JAKMIP2: variants seen among roughly 807,000 people sequenced by gnomAD.
JAKMIP2 encodes the protein janus kinase and microtubule interacting protein 2.
In JAKMIP2, 25 loss-of-function variants were observed where a neutral mutation model predicts 115.0. The observed-to-expected ratio is 0.22, with a 90% CI of 0.16 to 0.30. JAKMIP2 has a LOEUF of 0.30. JAKMIP2 is among the 10% of genes least tolerant of loss of function. The pLI is 1.00. For missense variants in JAKMIP2, 642 were observed against 957.6 expected (o/e 0.67, Z 4.35); for synonymous variants, 334 against 343.6 (o/e 0.97, Z 0.31).
intron 1 of JAKMIP2, among the ~76,000 whole-genome samples, chr5:147,717,506 T>A (rs1395756867): frequency 7.7e-5 from 10 of 129,518 alleles, no homozygotes; most frequent in African/African-American, 2.9e-4. Flanking sequence ...TTTGTTTGTA[T>A]CCTCTTTTAT....
chr5:147,597,296 TA>T (rs2126567121), intron 21 of JAKMIP2, among the ~76,000 whole-genome samples: 1 of 152,340 alleles, frequency 6.6e-6, no homozygotes, highest in Non-Finnish European at 1.5e-5. Flanking sequence ...ATACAGTACT[TA>T]ATTTTTCTTA....
At chr5:147,771,624 T>A (rs1392099209) in intron 1 of JAKMIP2, among the ~76,000 whole-genome samples, 1 of 152,052 alleles carries the variant, frequency 6.6e-6, no homozygotes, top group Non-Finnish European at 1.5e-5. Context: ...AGCATTCTCA[T>A]CACCGTATGC....
At chr5:147,734,666 G>A (rs1280203833) in intron 1 of JAKMIP2, among the ~76,000 whole-genome samples, 1 of 151,028 alleles carries the variant, frequency 6.6e-6, no homozygotes, top group East Asian at 1.9e-4. Context: ...AAAAAAAAAG[G>A]AACGCCTTTT....
chr5:147,711,933 A>C (rs1019837336), intron 1 of JAKMIP2, among the ~76,000 whole-genome samples: 44 of 152,218 alleles, frequency 2.9e-4, no homozygotes, highest in Admixed American at 5.2e-4. Context: ...CACCGCGCCC[A>C]GCCCATAGTA....
chr5:147,621,314 C>T (rs1335673745), intron 17 of JAKMIP2, among the ~76,000 whole-genome samples: 1 of 152,174 alleles, frequency 6.6e-6, no homozygotes, highest in African/African-American at 2.4e-5. Context: ...TTTCTGTGTG[C>T]TTCTCATATT....
chr5:147,716,123 C>T (rs1484412202), intron 1 of JAKMIP2, among the ~76,000 whole-genome samples: 1 of 147,160 alleles, frequency 6.8e-6, no homozygotes, highest in East Asian at 2.0e-4. Context: ...TGATAGTTTA[C>T]TGAGAATGAT....
chr5:147,622,728 T>A (rs1756911244), intron 17 of JAKMIP2, among the ~76,000 whole-genome samples: 1 of 152,224 alleles, frequency 6.6e-6, no homozygotes, highest in Non-Finnish European at 1.5e-5. Flanking sequence ...TGTATAAATA[T>A]CTCTTCCAGA....
chr5:147,722,336 T>C (rs1753345415), intron 1 of JAKMIP2, among the ~76,000 whole-genome samples: 1 of 152,198 alleles, frequency 6.6e-6, no homozygotes, highest in Admixed American at 6.5e-5. Context: ...TTTTAGTTAT[T>C]CCTCTCCCCG....
At chr5:147,638,541 C>T (rs142055833) in intron 10 of JAKMIP2, among the ~76,000 whole-genome samples, 2,610 of 152,224 alleles carry the variant, frequency 0.017, 82 homozygotes, top group African/African-American at 0.059. Flanking sequence ...TAAAAACCTG[C>T]TTATTTACTT....
Position 147,648,394 on chromosome 5 carries a change from T to G in JAKMIP2, c.918A>C (p.Gly306=), listed in dbSNP as rs1486641871. ...RKLEDRNTLL[G]DERNELLKRV... ...ATCTCACCAGTTCATTTCGTTCATCTCCAAGCAAGGTATTCCTGTCTTCTA... is the reference window on the plus strand; with the variant it reads ...ATCTCACCAGTTCATTTCGTTCATCGCCAAGCAAGGTATTCCTGTCTTCTA... The change falls in exon 5 of 22, where the codon GGA becomes GGC. Residue 306 remains glycine, a synonymous_variant. Coordinates refer to ENST00000616793, the MANE Select transcript of JAKMIP2 (RefSeq NM_001270941.2). 1.9e-6 allele frequency: 3 copies of G among 1,604,620 alleles called. No individual in the cohort carries two copies. Among genetic ancestry groups the G allele is most frequent in the Non-Finnish European group, 8.5e-7 (1 of 1,171,934 alleles).
chr5:147,736,753 A>C (rs1008723431), intron 1 of JAKMIP2, among the ~76,000 whole-genome samples: 1 of 152,128 alleles, frequency 6.6e-6, no homozygotes, highest in African/African-American at 2.4e-5. Context: ...AATACTGAAG[A>C]TATTCAGGTA....
At chr5:147,703,606 T>TC (rs1752458250) in intron 1 of JAKMIP2, among the ~76,000 whole-genome samples, 1 of 151,784 alleles carries the variant, frequency 6.6e-6, no homozygotes, top group Non-Finnish European at 1.5e-5. Flanking sequence ...TTTTTTTTTT[T>TC]TTTAGTGACA....
chr5:147,733,395 C>G (rs1753803238), intron 1 of JAKMIP2, among the ~76,000 whole-genome samples: 1 of 152,186 alleles, frequency 6.6e-6, no homozygotes. Flanking sequence ...CTGGCACTTT[C>G]CACTTTGCTC....
chr5:147,663,326 G>A (rs1759130980), intron 2 of JAKMIP2, among the ~76,000 whole-genome samples: 3 of 152,198 alleles, frequency 2.0e-5, no homozygotes, highest in African/African-American at 4.8e-5. Flanking sequence ...GTCTAGGTGG[G>A]CACATTCTAA....
chr5:147,699,695 A>G (rs1261897841), intron 1 of JAKMIP2, among the ~76,000 whole-genome samples: 2 of 152,244 alleles, frequency 1.3e-5, no homozygotes, highest in Non-Finnish European at 2.9e-5. Flanking sequence ...CCAGAAATAC[A>G]AACACCACAG....
At chr5:147,659,791 T>C (rs1758868939) in intron 3 of JAKMIP2, among the ~76,000 whole-genome samples, 1 of 152,152 alleles carries the variant, frequency 6.6e-6, no homozygotes, top group Non-Finnish European at 1.5e-5. Context: ...AACAGTGCAA[T>C]AGAATGAGTT....
chr5:147,595,521 A>T (rs1421786759), intron 21 of JAKMIP2: 1 of 455,348 alleles, frequency 2.2e-6, no homozygotes, highest in East Asian at 7.0e-5. Flanking sequence ...CTCGATCTTC[A>T]ATTTCCAGCC....
chr5:147,751,908 T>C (rs1341066492), intron 1 of JAKMIP2, among the ~76,000 whole-genome samples: 1 of 152,080 alleles, frequency 6.6e-6, no homozygotes. Flanking sequence ...CCAAAAAGTA[T>C]TTTTGAGGAT....
chr5:147,627,345 G>A (rs182111389), intron 16 of JAKMIP2, among the ~76,000 whole-genome samples: 79 of 152,128 alleles, frequency 5.2e-4, no homozygotes, highest in Non-Finnish European at 9.1e-4. Context: ...GGCAAGATGG[G>A]ACTATCTTCC....
Sources: gnomAD v4.1 joint callset for allele counts (sites outside exome capture counted in the v4.1 genomes callset) on GRCh38, gnomAD v4.1.1 for gene constraint, MANE v1.5 for transcripts, NCBI Gene and HGNC (gene_info 2026-07-23, HGNC 2026-07-21) for gene names.